CAMK4: variants seen among roughly 807,000 people sequenced by gnomAD.
CAMK4 encodes calcium/calmodulin dependent protein kinase IV.
Under a neutral mutation model 44.9 loss-of-function variants are expected in CAMK4, and 22 were observed. The ratio of observed to expected loss-of-function variants is 0.49; its 90% CI spans 0.35 to 0.70. CAMK4 has a LOEUF of 0.70. Among genes scored for constraint, CAMK4 ranks in the 30% least tolerant of loss-of-function variants. The pLI is 0.01. For synonymous variants in CAMK4, 218 were observed against 215.4 expected, an observed-to-expected ratio of 1.01 and a Z score of -0.11; for missense variants, 498 against 586.8, an observed-to-expected ratio of 0.85 and a Z score of 1.56.
intron 5 of CAMK4, among the ~76,000 whole-genome samples, chr5:111,410,469 A>C (rs1442131744): frequency 6.6e-6 from 1 of 152,198 alleles, no homozygotes. Flanking sequence ...GTAGAGACAC[A>C]GCCAAGCCAT....
At chr5:111,236,520 AG>A (rs1300432311) in intron 1 of CAMK4, among the ~76,000 whole-genome samples, 1 of 152,256 alleles carries the variant, frequency 6.6e-6, no homozygotes, top group Non-Finnish European at 1.5e-5. Context: ...CTGAGATTCA[AG>A]CCCTGGTTTG....
rs921965977 is a variant in CAMK4 at position 111,290,222 on chromosome 5, G to C, written c.162-53802G>C. 2.6e-5 allele frequency among the ~76,000 whole-genome samples: 4 copies of C among 152,164 alleles called. No homozygotes were observed. The highest frequency in any genetic ancestry group is 7.2e-5 in the African/African-American group (3 of 41,430). On this transcript the variant is annotated intron_variant, in intron 1 of 10. Transcript: ENST00000282356. This position sits in a 1 kb window ranked among gnomAD's most constrained non-coding sequence, Gnocchi z 4.5. ...TTTCCTTGAGCTGGAAGCTAAGATG[G>C]TGTTATAACTGGCCATTTCATTGTG...
At chr5:111,467,973 A>G (rs987746780) in intron 7 of CAMK4, among the ~76,000 whole-genome samples, 3 of 91,648 alleles carry the variant, frequency 3.3e-5, no homozygotes, top group Admixed American at 3.3e-4. Context: ...CACACACACC[A>G]TGGAATACTA....
chr5:111,370,820 C>A (rs572901889), intron 2 of CAMK4, among the ~76,000 whole-genome samples: 1 of 152,104 alleles, frequency 6.6e-6, no homozygotes, highest in Non-Finnish European at 1.5e-5. Context: ...GAGGCTGAGG[C>A]AGGAGAATCG....
intron 1 of CAMK4, among the ~76,000 whole-genome samples, chr5:111,338,789 T>C (rs1749517317): frequency 6.6e-6 from 1 of 151,482 alleles, no homozygotes; most frequent in Non-Finnish European, 1.5e-5. Flanking sequence ...GCTTTATTTC[T>C]GGGTTCTATA....
intron 2 of CAMK4, among the ~76,000 whole-genome samples, chr5:111,369,722 T>C (rs10076976): frequency 0.36 from 54,196 of 152,020 alleles, 10,855 homozygotes; most frequent in South Asian, 0.51. Context: ...CACAGCTGTT[T>C]AAGTCCCTTA....
chr5:111,450,093 C>T (rs563342950), intron 7 of CAMK4, among the ~76,000 whole-genome samples: 8 of 151,304 alleles, frequency 5.3e-5, no homozygotes, highest in African/African-American at 1.2e-4. Flanking sequence ...CCAAGGTAGA[C>T]GGGTCACTTG....
chr5:111,436,853 T>G (rs991639597), intron 5 of CAMK4, among the ~76,000 whole-genome samples: 25 of 152,176 alleles, frequency 1.6e-4, no homozygotes, highest in Non-Finnish European at 4.4e-5. Flanking sequence ...CAACAGTCTT[T>G]CCCCAAACTC....
chr5:111,486,111 G>C lies in CAMK4; in HGVS notation c.*1645G>C, dbSNP rs889929404. ...AACGAAACTAAAGCTCCAGTTTGTA[G>C]AGGCTGTTGGACCTCAGTAGACATT... On this transcript the variant is annotated 3_prime_UTR_variant, in exon 11 of 11. Transcript: ENST00000282356. 3 of 152,142 alleles carry C rather than the reference G, an allele frequency of 2.0e-5. No individual in the cohort carries two copies. The highest frequency in any genetic ancestry group is 7.2e-5 in the African/African-American group (3 of 41,440). The allele number at this position is 152,142 out of a possible 1,614,324, so 9.4% of individuals were successfully genotyped here. A position where few individuals can be genotyped will look rare whatever the true frequency, so the allele number is the denominator to read the frequency against.
At chr5:111,336,102 G>GA (rs1443512635) in intron 1 of CAMK4, among the ~76,000 whole-genome samples, 10 of 151,180 alleles carry the variant, frequency 6.6e-5, no homozygotes, top group East Asian at 1.9e-4. Flanking sequence ...ATTCATGGCA[G>GA]AAAAAATTAT....
intron 4 of CAMK4, among the ~76,000 whole-genome samples, chr5:111,381,712 A>G (rs900085015): frequency 2.0e-5 from 3 of 151,868 alleles, no homozygotes; most frequent in Non-Finnish European, 2.9e-5. Context: ...ACACCTGATA[A>G]CTCTCTGATT....
At chr5:111,265,327 T>G (rs1750189115) in intron 1 of CAMK4, among the ~76,000 whole-genome samples, 1 of 152,232 alleles carries the variant, frequency 6.6e-6, no homozygotes, top group South Asian at 2.1e-4. Flanking sequence ...GTGGTGTGGT[T>G]TTATACTTCA....
intron 5 of CAMK4, among the ~76,000 whole-genome samples, chr5:111,441,406 T>C (rs559904221): frequency 1.8e-4 from 28 of 152,310 alleles, no homozygotes; most frequent in Non-Finnish European, 3.8e-4. Flanking sequence ...TACTATTTCT[T>C]TTCCTCCTCT....
rs1561516125 is a variant in CAMK4, at chr5:111,484,162, C to T, written c.1118C>T (p.Pro373Leu). 1.9e-6 allele frequency: 3 copies of T among 1,614,116 alleles called. No individual in the cohort carries two copies. Among genetic ancestry groups the T allele is most frequent in the Admixed American group, 1.7e-5 (1 of 60,016 alleles). Residue 373 changes from proline (P) to leucine (L), a missense_variant, in exon 11 of 11, where the codon CCA (proline) becomes CTA (leucine). Transcript: ENST00000282356. The surrounding 1 kb of genome is among the most constrained non-coding windows in gnomAD (Gnocchi z 5.3). ...QDGNEDMKAI[P>L]EGEKIQGDGA... ...GGCAACGAGGACATGAAAGCTATTC[C>T]AGAAGGAGAGAAAATTCAAGGCGAT...
At chr5:111,385,483 G>T (rs1751565585) in intron 4 of CAMK4, among the ~76,000 whole-genome samples, 1 of 151,996 alleles carries the variant, frequency 6.6e-6, no homozygotes, top group South Asian at 2.1e-4. Flanking sequence ...TTTAAAAGCT[G>T]GGCTAGGTAG....
At chr5:111,282,406 T>G (rs1290697512) in intron 1 of CAMK4, among the ~76,000 whole-genome samples, 1 of 151,184 alleles carries the variant, frequency 6.6e-6, no homozygotes, top group Non-Finnish European at 1.5e-5. Flanking sequence ...CTTGGCCAAT[T>G]TTTCTAGTAT....
chr5:111,257,193 C>A (rs1290890277), intron 1 of CAMK4, among the ~76,000 whole-genome samples: 1 of 152,182 alleles, frequency 6.6e-6, no homozygotes, highest in East Asian at 1.9e-4. Flanking sequence ...GCAAAAGAAT[C>A]TGTTATCAGA....
intron 1 of CAMK4, among the ~76,000 whole-genome samples, chr5:111,250,054 A>T (rs946725314): frequency 6.6e-6 from 1 of 152,162 alleles, no homozygotes; most frequent in Non-Finnish European, 1.5e-5. Context: ...GCCCTACCCC[A>T]GGACTACCTG....
intron 5 of CAMK4, among the ~76,000 whole-genome samples, chr5:111,410,383 C>T (rs1002337337): frequency 2.0e-5 from 3 of 152,142 alleles, no homozygotes; most frequent in African/African-American, 7.2e-5. Context: ...TGGGGAACTG[C>T]CCCCAAGATT....
Sources: allele counts gnomAD v4.1 joint callset (sites outside exome capture counted in the v4.1 genomes callset), GRCh38; gene constraint gnomAD v4.1.1; non-coding constraint Gnocchi (gnomAD v3.1); transcripts MANE v1.5; gene names NCBI Gene and HGNC (gene_info 2026-07-23, HGNC 2026-07-21).